Variants in SGCZ observed in about 807,000 individuals in gnomAD.
SGCZ encodes zeta-sarcoglycan.
A neutral mutation model predicts 41.3 loss-of-function variants in SGCZ; 40 were observed. The ratio of observed to expected loss-of-function variants is 0.97; its 90% CI spans 0.75 to 1.26. SGCZ has a LOEUF of 1.26. Ranked by LOEUF, SGCZ falls within the 50% of genes most tolerant of loss-of-function variation. The pLI, the probability that SGCZ is intolerant of heterozygous loss-of-function variation, is 0.00. For missense variants in SGCZ, 552 were observed against 369.8 expected (o/e 1.49, Z -4.04); for synonymous variants, 206 against 137.5 (o/e 1.50, Z -3.49).
At chr8:15,056,806 T>C (rs1433358371) in intron 1 of SGCZ, among the ~76,000 whole-genome samples, 2 of 152,280 alleles carry the variant, frequency 1.3e-5, no homozygotes, top group Middle Eastern at 6.8e-3. Flanking sequence ...GATGTATTTT[T>C]TGAGGGTCTC....
At chr8:15,106,111 C>T (rs1172571468) in intron 1 of SGCZ, among the ~76,000 whole-genome samples, 1 of 152,032 alleles carries the variant, frequency 6.6e-6, no homozygotes, top group Non-Finnish European at 1.5e-5. Flanking sequence ...CCTTTTATTA[C>T]CCTTCTTTTA....
chr8:14,523,782 T>A (rs1476783702), intron 2 of SGCZ, among the ~76,000 whole-genome samples: 1 of 152,114 alleles, frequency 6.6e-6, no homozygotes, highest in Non-Finnish European at 1.5e-5. Context: ...TTCAGCACCA[T>A]CCACTTTCTT....
chr8:14,547,632 T>TTGTAAGTGTTCACTCACTTAA (rs1297580978), intron 2 of SGCZ, among the ~76,000 whole-genome samples: 1 of 152,194 alleles, frequency 6.6e-6, no homozygotes, highest in African/African-American at 2.4e-5. Flanking sequence ...TAAAGAGCTT[T>TTGTAAGTGTTCACTCACTTAA]TGTAAGTGTT....
At chr8:14,651,124 T>C (rs1807383214) in intron 1 of SGCZ, among the ~76,000 whole-genome samples, 1 of 151,972 alleles carries the variant, frequency 6.6e-6, no homozygotes, top group Non-Finnish European at 1.5e-5. Context: ...CATATACAAT[T>C]AAGAATGTTA....
chr8:14,581,150 C>G (rs1166831855), intron 1 of SGCZ, among the ~76,000 whole-genome samples: 3 of 152,110 alleles, frequency 2.0e-5, no homozygotes, highest in Non-Finnish European at 4.4e-5. Flanking sequence ...TTCTGTCACC[C>G]AGGCTGCAGT....
Position 14,627,797 on chromosome 8 carries a change from C to T in SGCZ, c.40-72871G>A, listed in dbSNP as rs550196347. ...TGAATACGTCTGCTGACCTCAAAGT[C>T]CCATTTTAGGAAGCTGAAAAGGAAA... On this transcript the variant is annotated intron_variant, in intron 1 of 7. Transcript: ENST00000382080. Among the ~76,000 whole-genome samples, 7 of 151,900 alleles carry T rather than the reference C, an allele frequency of 4.6e-5. 1 individual carries two copies. The South Asian group carries it at 1.5e-3, about 32-fold the overall frequency.
chr8:14,297,965 C>A (rs983361628), intron 3 of SGCZ, among the ~76,000 whole-genome samples: 5 of 151,930 alleles, frequency 3.3e-5, no homozygotes, highest in East Asian at 1.9e-4. Context: ...AACATTCTTA[C>A]CAAATATTAA....
At chr8:14,247,317 C>A (rs185269688) in intron 3 of SGCZ, among the ~76,000 whole-genome samples, 30 of 152,216 alleles carry the variant, frequency 2.0e-4, no homozygotes, top group African/African-American at 7.2e-4. Context: ...AGAGTAGTCC[C>A]CATCCTGAAG....
At position 14,949,858 on chromosome 8, in the gene SGCZ, C is replaced by T. The variant is rs144214032; in HGVS notation, c.39+287727G>A. 4.6e-3 allele frequency among the ~76,000 whole-genome samples: 692 copies of T among 152,088 alleles called. 7 individuals are homozygous for T. The highest frequency in any genetic ancestry group is 0.016 in the African/African-American group (650 of 41,536). The stretch of plus-strand genomic sequence containing the variant: ...AATATAATAATTCTGGAACAAAAAT[C>T]GTTTCATCCAAAGTATAAAAGAGTT... On this transcript the variant is annotated intron_variant, in intron 1 of 7. Transcript: ENST00000382080.
chr8:14,948,683 A>G (rs1400783571), intron 1 of SGCZ, among the ~76,000 whole-genome samples: 1 of 152,134 alleles, frequency 6.6e-6, no homozygotes, highest in Non-Finnish European at 1.5e-5. Context: ...AACTCTGTGA[A>G]TACCTCAAGC....
chr8:15,156,008 A>G (rs1221282814), intron 1 of SGCZ, among the ~76,000 whole-genome samples: 1 of 144,954 alleles, frequency 6.9e-6, no homozygotes, highest in Non-Finnish European at 1.5e-5. Context: ...CAGTGAGCCA[A>G]GATCGTGCCA....
chr8:14,381,353 T>C (rs181136347), intron 2 of SGCZ, among the ~76,000 whole-genome samples: 2 of 152,322 alleles, frequency 1.3e-5, no homozygotes, highest in East Asian at 3.9e-4. Flanking sequence ...TCAGAAATTA[T>C]TCAGGTCCAG....
chr8:14,255,081 A>T (rs940750801), intron 3 of SGCZ, among the ~76,000 whole-genome samples: 1 of 152,096 alleles, frequency 6.6e-6, no homozygotes, highest in African/African-American at 2.4e-5. Flanking sequence ...TTAGTTCCAG[A>T]TAATTCTCTC....
intron 3 of SGCZ, among the ~76,000 whole-genome samples, chr8:14,272,684 T>C (rs986289885): frequency 6.6e-6 from 1 of 152,198 alleles, no homozygotes; most frequent in Non-Finnish European, 1.5e-5. Flanking sequence ...TTTTAAGCCA[T>C]TGACTCTTTC....
At chr8:14,686,878 G>C (rs1808627785) in intron 1 of SGCZ, among the ~76,000 whole-genome samples, 1 of 151,868 alleles carries the variant, frequency 6.6e-6, no homozygotes, top group African/African-American at 2.4e-5. Flanking sequence ...GCAGCACAAG[G>C]GATAAACGAA....
chr8:14,580,894 C>T (rs1804866867), intron 1 of SGCZ, among the ~76,000 whole-genome samples: 1 of 152,148 alleles, frequency 6.6e-6, no homozygotes, highest in Non-Finnish European at 1.5e-5. Context: ...CTCACTCATT[C>T]AAGCACAATT....
chr8:14,221,098 C>T (rs994932104), intron 4 of SGCZ, among the ~76,000 whole-genome samples: 60 of 152,104 alleles, frequency 3.9e-4, no homozygotes, highest in African/African-American at 1.3e-3. Flanking sequence ...AAAAAAATGC[C>T]AATAAACGGA....
intron 2 of SGCZ, among the ~76,000 whole-genome samples, chr8:14,427,591 C>G (rs779721257): frequency 7.2e-5 from 11 of 152,160 alleles, no homozygotes; most frequent in Non-Finnish European, 1.5e-4. Context: ...TACTAGACCC[C>G]TCCATCTTTT....
chr8:14,466,662 C>T (rs1801058908), intron 2 of SGCZ, among the ~76,000 whole-genome samples: 1 of 151,554 alleles, frequency 6.6e-6, no homozygotes, highest in Non-Finnish European at 1.5e-5. Context: ...TCTTTCTATT[C>T]CTCAGACTCA....
Sources: allele counts gnomAD v4.1 joint callset (sites outside exome capture counted in the v4.1 genomes callset), GRCh38; gene constraint gnomAD v4.1.1; transcripts MANE v1.5; gene names NCBI Gene and HGNC (gene_info 2026-07-23, HGNC 2026-07-21).